SLC16A5: variants seen among roughly 807,000 people sequenced by gnomAD.
SLC16A5 encodes solute carrier family 16 member 5.
A neutral mutation model predicts 33.2 loss-of-function variants in SLC16A5; 29 were observed. That is an observed-to-expected ratio of 0.87 (90% confidence interval 0.65 to 1.19). The LOEUF (loss-of-function observed/expected upper bound fraction) is 1.19, where lower values mean the gene tolerates loss of function less well. Among genes scored for constraint, SLC16A5 ranks in the 50% most tolerant of loss-of-function variants. The pLI, the probability that SLC16A5 is intolerant of heterozygous loss-of-function variation, is 0.00. For synonymous variants in SLC16A5, 248 were observed against 284.1 expected, an observed-to-expected ratio of 0.87 and a Z score of 1.28; for missense variants, 606 against 678.2, an observed-to-expected ratio of 0.89 and a Z score of 1.18.
At chr17:75,105,818 G>A in intron 6 of SLC16A5, 62 bp from the exon 7 acceptor site, 1 of 1,481,486 alleles carries the variant, frequency 6.7e-7, no homozygotes, top group Non-Finnish European at 9.0e-7. Flanking sequence ...GTTGTTTGTT[G>A]ATTCAGGCTC....
chr17:75,106,590 T>A (rs1469261768), downstream of SLC16A5, among the ~76,000 whole-genome samples: 321 of 107,606 alleles, frequency 3.0e-3, 1 homozygote, highest in South Asian at 8.0e-3. Flanking sequence ...CTGTCTTTTT[T>A]TTAAAAAAAA....
At chr17:75,097,855 A>C (rs187762399) in intron 3 of SLC16A5, among the ~76,000 whole-genome samples, 183 bp from the exon 4 acceptor site, 16 of 152,246 alleles carry the variant, frequency 1.1e-4, no homozygotes, top group Non-Finnish European at 2.1e-4. Context: ...AGGCACGGAG[A>C]GGGATCAGGC....
Position 75,100,263 on chromosome 17 carries a change from C to G in SLC16A5, c.600C>G (p.Thr200=), listed in dbSNP as rs1372791388. Residue 200 remains threonine (T), a synonymous_variant, in exon 5 of 7, where the codon ACC becomes ACG. Transcript: ENST00000329783. The part of the protein sequence containing the change: ...RPVATSVAPE[T]KECPPPPPET... ...TGGCCACCAGTGTGGCCCCTGAGAC[C>G]AAAGAATGTCCCCCGCCACCTCCCG... is the stretch of plus-strand genomic sequence containing the variant. The G allele has an allele frequency of 1.9e-6, 3 of 1,614,112 alleles. No homozygotes were observed. The highest frequency in any genetic ancestry group is 3.3e-5 in the Admixed American group (2 of 60,008).
chr17:75,102,423 T>TC (rs2073811385), intron 5 of SLC16A5, among the ~76,000 whole-genome samples: 1 of 151,572 alleles, frequency 6.6e-6, no homozygotes, highest in South Asian at 2.1e-4. Context: ...AAATAAAAGG[T>TC]CCCCATCCCC....
chr17:75,091,265 A>G (rs1263891683), intron 2 of SLC16A5, among the ~76,000 whole-genome samples: 3 of 152,186 alleles, frequency 2.0e-5, no homozygotes, highest in Non-Finnish European at 4.4e-5. Context: ...TCGGGGCAAC[A>G]CAGAGGATCA....
At chr17:75,109,636 G>C (rs2073890731), downstream of SLC16A5, among the ~76,000 whole-genome samples, 1 of 152,372 alleles carries the variant, frequency 6.6e-6, no homozygotes, top group South Asian at 2.1e-4. This position sits in a 1 kb window ranked among gnomAD's most constrained non-coding sequence, Gnocchi z 5.0. Context: ...CCGGGGGACC[G>C]GCGGGAGAGT....
intron 2 of SLC16A5, among the ~76,000 whole-genome samples, chr17:75,092,060 C>T (rs1468110093): frequency 1.4e-5 from 2 of 140,806 alleles, no homozygotes; most frequent in Non-Finnish European, 3.1e-5. Flanking sequence ...TGCACGCATG[C>T]GCAGATGTGC....
chr17:75,105,849 C>T, intron 6 of SLC16A5, 31 bp from the exon 7 acceptor site: 1 of 1,547,884 alleles, frequency 6.5e-7, no homozygotes, highest in Non-Finnish European at 8.8e-7. Context: ...CGCAAGAAAA[C>T]CTTATCAGGA....
chr17:75,105,292 C>G (rs532850527), intron 6 of SLC16A5: 45 of 985,460 alleles, frequency 4.6e-5, no homozygotes, highest in Non-Finnish European at 5.4e-5. Context: ...TTTCCCCACC[C>G]TGTCTCCTTG....
downstream of SLC16A5, among the ~76,000 whole-genome samples, chr17:75,106,445 G>C (rs190475343): frequency 1.6e-4 from 25 of 152,134 alleles, no homozygotes; most frequent in Admixed American, 3.3e-4. Flanking sequence ...CCCACTTCCT[G>C]AAAACATTTA....
downstream of SLC16A5, chr17:75,106,208 T>TTTTTA: frequency 2.2e-6 from 1 of 448,748 alleles, no homozygotes; most frequent in South Asian, 4.3e-5. Flanking sequence ...GGTTGAAAAG[T>TTTTTA]CTGACTCGGT....
rs1198947510 is a variant in SLC16A5 at position 75,104,332 on chromosome 17, C to T, written c.1364+152C>T. 18 of 1,454,520 alleles carry T rather than the reference C, an allele frequency of 1.2e-5. 1 individual carries two copies. The East Asian group carries it at 1.5e-4, about 12-fold the overall frequency. 90.1% of individuals were successfully genotyped at this position (1,454,520 alleles called of 1,614,324 possible). On this transcript the variant is annotated intron_variant, in intron 6 of 6. Transcript: ENST00000329783. ...TGGGTGAAGAGTAGCCCAGGAAGCC[C>T]GGGCTGTCCAGGCTCTGCAAGCTGG...
intron 6 of SLC16A5, chr17:75,105,194 C>T: frequency 1.0e-6 from 1 of 985,422 alleles, no homozygotes. Context: ...GGAGGGGGGC[C>T]CCTGGCTTGG....
In SLC16A5 at chr17:75,103,842, T is replaced by C. The variant is rs937217447; in HGVS notation, c.1154-128T>C. 15 of 763,812 alleles carry C rather than the reference T, an allele frequency of 2.0e-5. No individual in the cohort carries two copies. The African/African-American group carries it at 2.1e-4, about 11-fold the overall frequency. 47.3% of individuals were successfully genotyped at this position (763,812 alleles called of 1,614,324 possible). ...TCATTCTTCAAGTATCTGTTGAGTG[T>C]CTACTGGGTGTCAGCCACAATTCCT... On this transcript the variant is annotated intron_variant, in intron 5 of 6. Transcript: ENST00000329783.
At position 75,100,516 on chromosome 17, in the gene SLC16A5, A is replaced by G. The variant is rs144437202; in HGVS notation, c.853A>G (p.Ile285Val). Residue 285 changes from isoleucine (I) to valine (V), a missense_variant, in exon 5 of 7, where the codon ATC (isoleucine) becomes GTC (valine). Coordinates refer to ENST00000329783, the MANE Select transcript of SLC16A5 (RefSeq NM_004695.4). ...CATCTCCATCATCGGCTTCAGCAAC[A>G]TCTTCCTGAGGCCCCTAGCCGGGCT... is the stretch of plus-strand genomic sequence containing the variant. ...LLISIIGFSNIFLRPLAGLMA... is the reference protein window; with the variant it reads ...LLISIIGFSNVFLRPLAGLMA... 1.1e-4 allele frequency: 177 copies of G among 1,613,986 alleles called. No homozygotes were observed. Among genetic ancestry groups the G allele is most frequent in the Non-Finnish European group, 1.4e-4 (162 of 1,180,026 alleles).
intron 3 of SLC16A5, among the ~76,000 whole-genome samples, chr17:75,096,697 A>G (rs1391989491): frequency 6.7e-6 from 1 of 149,822 alleles, no homozygotes; most frequent in African/African-American, 2.5e-5. Flanking sequence ...ACACCTGGCT[A>G]ATTTTTGTAT....
chr17:75,094,779 G>A (rs2073694097), intron 3 of SLC16A5, among the ~76,000 whole-genome samples: 2 of 152,254 alleles, frequency 1.3e-5, no homozygotes, highest in East Asian at 3.9e-4. Context: ...CTAAGTGGGG[G>A]TGAGGGAGGA....
chr17:75,089,989 T>C (rs1378124940), intron 2 of SLC16A5: 2 of 135,522 alleles, frequency 1.5e-5, no homozygotes, highest in African/African-American at 7.3e-5. Context: ...GGGTGAATTT[T>C]TTCTTTTTTT....
In SLC16A5 at chr17:75,105,968, C is replaced by A; in HGVS notation, c.1453C>A (p.Leu485Ile). 1 of 1,611,682 alleles carries A rather than the reference C, an allele frequency of 6.2e-7. No individual in the cohort carries two copies. Among genetic ancestry groups the A allele is most frequent in the African/African-American group, 1.3e-5 (1 of 75,016 alleles). Residue 485 changes from leucine to isoleucine, a missense_variant, in exon 7 of 7, where the codon CTC (leucine) becomes ATC (isoleucine). By Grantham distance (5) the Leu-to-Ile change is conservative (BLOSUM62 2). Transcript: ENST00000329783. ...PASSRTSHEW[L>I]LWPKAVLQAK... ...CTCCTCCAGGACCAGCCATGAGTGG[C>A]TCTTATGGCCAAAGGCGGTACTGCA...
Sources: gnomAD v4.1 joint callset for allele counts (sites outside exome capture counted in the v4.1 genomes callset) on GRCh38, gnomAD v4.1.1 for gene constraint, Gnocchi (gnomAD v3.1) non-coding constraint, MANE v1.5 for transcripts, NCBI Gene and HGNC (gene_info 2026-07-23, HGNC 2026-07-21) for gene names.